Variants in SLC26A4 observed in about 807,000 individuals in gnomAD.
SLC26A4 encodes pendrin.
In SLC26A4, 93 loss-of-function variants were observed where a neutral mutation model predicts 90.4. The observed-to-expected ratio is 1.03, with a 90% CI of 0.87 to 1.22. The LOEUF is 1.22. SLC26A4 is among the 50% of genes most tolerant of loss of function. SLC26A4 has a pLI of 0.00. For synonymous variants in SLC26A4, 393 were observed against 354.6 expected (o/e 1.11, Z -1.22); for missense variants, 1,127 against 946.2 (o/e 1.19, Z -2.51).
chr7:107,692,144 C>T, intron 10 of SLC26A4: 1 of 1,185,834 alleles, frequency 8.4e-7, no homozygotes, highest in Non-Finnish European at 1.1e-6. Context: ...CTCTGGTAAG[C>T]TAATACCCCC....
rs1791909692 is a variant in SLC26A4 at position 107,702,073 on chromosome 7, T to C, written c.2034+16T>C. 1 of 1,528,536 alleles carries C rather than the reference T, an allele frequency of 6.5e-7. No individual in the cohort carries two copies. Among genetic ancestry groups the C allele is most frequent in the African/African-American group, 1.4e-5 (1 of 73,250 alleles). The allele number at this position is 1,528,536 out of a possible 1,614,324, so 94.7% of individuals were successfully genotyped here. A position where few individuals can be genotyped will look rare whatever the true frequency, so the allele number is the denominator to read the frequency against. ...ACTGCGGGTGGTAAGGTTCTGGTTT[T>C]CTGAATTATACATTTGGAGCTTTGG... On this transcript the variant is annotated intron_variant, in intron 17 of 20. Coordinates refer to ENST00000644269, the MANE Select transcript of SLC26A4 (RefSeq NM_000441.2).
At chr7:107,676,315 C>G (rs1791023411) in intron 6 of SLC26A4, among the ~76,000 whole-genome samples, 1 of 152,138 alleles carries the variant, frequency 6.6e-6, no homozygotes, top group South Asian at 2.1e-4. Flanking sequence ...TTATTTCAAG[C>G]CATCTTTTCT....
chr7:107,706,898 G>C (rs1274277807), intron 18 of SLC26A4, among the ~76,000 whole-genome samples: 2 of 152,118 alleles, frequency 1.3e-5, no homozygotes, highest in African/African-American at 4.8e-5. Flanking sequence ...GGCTGGGTGC[G>C]GTGGCTCACA....
intron 6 of SLC26A4, among the ~76,000 whole-genome samples, chr7:107,676,717 T>G (rs1562825307): frequency 6.6e-6 from 1 of 152,314 alleles, no homozygotes; most frequent in East Asian, 1.9e-4. Flanking sequence ...TACACATATC[T>G]AAGAATTGGT....
intron 12 of SLC26A4, 143 bp from the exon 13 acceptor site, chr7:107,695,790 G>A (rs1293212162): frequency 6.2e-6 from 4 of 644,790 alleles, no homozygotes; most frequent in Non-Finnish European, 1.1e-5. Flanking sequence ...TCCAGCCTGG[G>A]CAATAGAGTG....
intron 18 of SLC26A4, among the ~76,000 whole-genome samples, chr7:107,708,647 A>G (rs1466507634): frequency 2.0e-5 from 3 of 152,250 alleles, no homozygotes; most frequent in South Asian, 4.1e-4. Flanking sequence ...TCAGGCCAGG[A>G]GTTTGAGACC....
At chr7:107,670,710 C>G (rs994654845) in intron 3 of SLC26A4, among the ~76,000 whole-genome samples, 1 of 152,114 alleles carries the variant, frequency 6.6e-6, no homozygotes, top group African/African-American at 2.4e-5. Context: ...TTTTAATAAA[C>G]TACTATAAAT....
At chr7:107,698,526 AG>A (rs1335185459) in intron 14 of SLC26A4, among the ~76,000 whole-genome samples, 2 of 152,132 alleles carry the variant, frequency 1.3e-5, no homozygotes, top group African/African-American at 4.8e-5. Context: ...CATGTTGCCC[AG>A]GCTGGTCTCA....
intron 10 of SLC26A4, chr7:107,693,235 A>T: frequency 1.1e-6 from 1 of 932,454 alleles, no homozygotes; most frequent in South Asian, 4.9e-5. Context: ...GAAGGGAAAG[A>T]GCACCAGGGT....
chr7:107,671,217 C>T (rs868729949), intron 3 of SLC26A4, among the ~76,000 whole-genome samples: 2 of 152,090 alleles, frequency 1.3e-5, no homozygotes, highest in African/African-American at 4.8e-5. Flanking sequence ...GGCTGGAGTG[C>T]AGTGGCACGA....
At chr7:107,694,369 C>T (rs745928878) in intron 10 of SLC26A4, 34 bp from the exon 11 acceptor site, 60 of 1,552,930 alleles carry the variant, frequency 3.9e-5, no homozygotes, top group South Asian at 2.0e-4. Context: ...GGGAGAAGGA[C>T]GAATCCTTTT....
intron 8 of SLC26A4, among the ~76,000 whole-genome samples, chr7:107,687,401 G>A (rs1211184864): frequency 6.6e-6 from 1 of 152,202 alleles, no homozygotes; most frequent in Non-Finnish European, 1.5e-5. Context: ...CAGCAGACAT[G>A]AGTGGCAGGA....
intron 18 of SLC26A4, among the ~76,000 whole-genome samples, chr7:107,705,872 C>A (rs1792025128): frequency 6.6e-6 from 1 of 152,298 alleles, no homozygotes; most frequent in African/African-American, 2.4e-5. Context: ...GTTGTGGCAT[C>A]CAGCATTCTG....
At chr7:107,675,884 C>T (rs1190923277) in intron 6 of SLC26A4, among the ~76,000 whole-genome samples, 1 of 152,100 alleles carries the variant, frequency 6.6e-6, no homozygotes, top group African/African-American at 2.4e-5. Context: ...GGAGCACCCA[C>T]ATTTCTCTAT....
At chr7:107,706,994 G>A (rs1255893623) in intron 18 of SLC26A4, among the ~76,000 whole-genome samples, 6 of 152,002 alleles carry the variant, frequency 3.9e-5, no homozygotes, top group African/African-American at 9.7e-5. Context: ...ATGGCAAAAC[G>A]CCGTTACTAC....
intron 17 of SLC26A4, 133 bp from the exon 18 acceptor site, chr7:107,704,198 A>G (rs1463686618): frequency 1.4e-5 from 9 of 636,350 alleles, no homozygotes; most frequent in Non-Finnish European, 2.6e-5. Flanking sequence ...TGGTTTTGCA[A>G]TAATAACCTT....
chr7:107,700,229 C>A, intron 15 of SLC26A4, 54 bp downstream of exon 15: 1 of 890,348 alleles, frequency 1.1e-6, no homozygotes, highest in Non-Finnish European at 1.9e-6. Flanking sequence ...AGACTTCATT[C>A]ATTCTACAAG....
intron 10 of SLC26A4, among the ~76,000 whole-genome samples, chr7:107,691,314 C>A (rs1299898316): frequency 6.6e-6 from 1 of 151,888 alleles, no homozygotes; most frequent in African/African-American, 2.4e-5. Flanking sequence ...CTAACATGGC[C>A]AACATGGTGA....
chr7:107,671,288 T>G (rs1790859683), intron 3 of SLC26A4, among the ~76,000 whole-genome samples: 1 of 152,096 alleles, frequency 6.6e-6, no homozygotes, highest in Non-Finnish European at 1.5e-5. Context: ...TCAGCCTCCT[T>G]AATAACTAGG....
Sources: allele counts gnomAD v4.1 joint callset (sites outside exome capture counted in the v4.1 genomes callset), GRCh38; gene constraint gnomAD v4.1.1; transcripts MANE v1.5; gene names NCBI Gene and HGNC (gene_info 2026-07-23, HGNC 2026-07-21).